Variants in BABAM2 observed in about 807,000 individuals in gnomAD.
BABAM2 encodes BRISC and BRCA1 A complex member 2.
BABAM2 carries 31 observed loss-of-function variants against 54.7 expected under a neutral mutation model. The observed-to-expected ratio is 0.57, with a 90% CI of 0.43 to 0.77. The LOEUF (loss-of-function observed/expected upper bound fraction) is 0.77. Among genes scored for constraint, BABAM2 ranks in the 30% least tolerant of loss-of-function variants. BABAM2 has a pLI of 0.00. For synonymous variants in BABAM2, 167 were observed against 162.9 expected, an observed-to-expected ratio of 1.03 and a Z score of -0.19; for missense variants, 364 against 455.8, an observed-to-expected ratio of 0.80 and a Z score of 1.83.
chr2:28,059,329 T>C (rs1489994754), intron 6 of BABAM2, among the ~76,000 whole-genome samples: 2 of 152,246 alleles, frequency 1.3e-5, no homozygotes, highest in Non-Finnish European at 2.9e-5. Flanking sequence ...TTCTTCCTTG[T>C]ATCTGTTGCA....
At chr2:28,180,619 CTATA>C (rs1203768700) in intron 7 of BABAM2, among the ~76,000 whole-genome samples, 1 of 151,914 alleles carries the variant, frequency 6.6e-6, no homozygotes, top group African/African-American at 2.4e-5. Context: ...GCACATGGGA[CTATA>C]TTAAATAAAA....
chr2:28,001,622 C>G (rs572964195), intron 4 of BABAM2, among the ~76,000 whole-genome samples: 1 of 152,272 alleles, frequency 6.6e-6, no homozygotes, highest in East Asian at 1.9e-4. Flanking sequence ...TTTGGGCTCA[C>G]AGTTCTGCAG....
intron 10 of BABAM2, among the ~76,000 whole-genome samples, chr2:28,253,418 T>G (rs1004757053): frequency 2.7e-5 from 4 of 147,894 alleles, no homozygotes; most frequent in Admixed American, 2.7e-4. Flanking sequence ...AAAAAAAAAG[T>G]ATGGAGTGTA....
chr2:28,222,497 A>G (rs1014107607), intron 7 of BABAM2, among the ~76,000 whole-genome samples: 17 of 152,326 alleles, frequency 1.1e-4, no homozygotes, highest in Non-Finnish European at 1.9e-4. Context: ...TGATACCTTC[A>G]CATGCTGCAG....
chr2:28,190,093 C>T (rs1676739660), intron 7 of BABAM2, among the ~76,000 whole-genome samples: 2 of 152,088 alleles, frequency 1.3e-5, no homozygotes, highest in Admixed American at 6.5e-5. Context: ...TAGCCATAAC[C>T]AAAAAGTTGA....
intron 7 of BABAM2, among the ~76,000 whole-genome samples, chr2:28,170,966 T>A (rs939547748): frequency 9.9e-5 from 15 of 152,154 alleles, no homozygotes; most frequent in African/African-American, 3.4e-4. Context: ...CCAACCCGAG[T>A]CCCCTCGTCT....
At chr2:27,977,826 G>A (rs1671705716) in intron 3 of BABAM2, among the ~76,000 whole-genome samples, 1 of 152,138 alleles carries the variant, frequency 6.6e-6, no homozygotes, top group Non-Finnish European at 1.5e-5. Context: ...TGTCTAAGAG[G>A]TGACTCCTAG....
intron 7 of BABAM2, among the ~76,000 whole-genome samples, chr2:28,176,598 C>G (rs531038694): frequency 1.1e-3 from 40 of 37,004 alleles, no homozygotes; most frequent in African/African-American, 3.5e-3. Flanking sequence ...AAAAAAAAAC[C>G]TCACTGAGAT....
At chr2:28,308,486 C>A in intron 11 of BABAM2, 1 of 528,824 alleles carries the variant, frequency 1.9e-6, no homozygotes, top group Non-Finnish European at 3.7e-6. Flanking sequence ...AGCACCAGAT[C>A]AAACAGGCTG....
In BABAM2 at chr2:27,922,447, A is replaced by G. The variant is rs182597290; in HGVS notation, c.129-7385A>G. 3.9e-5 allele frequency among the ~76,000 whole-genome samples: 6 copies of G among 152,350 alleles called. No individual in the cohort carries two copies. In the East Asian group the frequency reaches 7.7e-4, roughly 20 times the overall value. ...TTACGCTCAGCATTTTATTGCGTCA[A>G]TGATTAACTGCCATTTCTGTAATAA... is the stretch of plus-strand genomic sequence containing the variant. On this transcript the variant is annotated intron_variant, in intron 2 of 11. Coordinates refer to ENST00000379624, the MANE Select transcript of BABAM2 (RefSeq NM_199191.3).
At chr2:28,129,411 GC>G (rs1450023863) in intron 7 of BABAM2, 31 bp downstream of exon 7, 1 of 1,525,612 alleles carries the variant, frequency 6.6e-7, no homozygotes, top group Non-Finnish European at 9.1e-7. Flanking sequence ...GTAGCCTGGT[GC>G]TACTTCTTGC....
chr2:28,160,853 G>A (rs1427062375), intron 7 of BABAM2, among the ~76,000 whole-genome samples: 1 of 151,816 alleles, frequency 6.6e-6, no homozygotes, highest in Non-Finnish European at 1.5e-5. Flanking sequence ...CTGGGAGAGT[G>A]TGGAAAGTAC....
intron 10 of BABAM2, among the ~76,000 whole-genome samples, chr2:28,274,135 T>C (rs1367696734): frequency 6.6e-6 from 1 of 152,142 alleles, no homozygotes; most frequent in Non-Finnish European, 1.5e-5. Flanking sequence ...TCTGGCGGCC[T>C]TCCCCAGTAG....
At chr2:27,927,771 C>A (rs529590759) in intron 2 of BABAM2, among the ~76,000 whole-genome samples, 2 of 151,418 alleles carry the variant, frequency 1.3e-5, no homozygotes, top group African/African-American at 2.4e-5. Context: ...TTTTTATTGA[C>A]CCCTGAAGAT....
intron 10 of BABAM2, among the ~76,000 whole-genome samples, chr2:28,266,841 G>C (rs1228193568): frequency 1.3e-5 from 2 of 152,170 alleles, no homozygotes; most frequent in Non-Finnish European, 2.9e-5. Flanking sequence ...GATAATTGTG[G>C]ATTCACATGT....
chr2:28,144,943 C>A (rs572632277), intron 7 of BABAM2, among the ~76,000 whole-genome samples: 1 of 152,336 alleles, frequency 6.6e-6, no homozygotes, highest in African/African-American at 2.4e-5. Context: ...GGCTCCGGAC[C>A]ATGGAGGTCA....
chr2:28,095,544 A>G (rs952702823), intron 6 of BABAM2, among the ~76,000 whole-genome samples: 3 of 152,198 alleles, frequency 2.0e-5, no homozygotes, highest in Non-Finnish European at 4.4e-5. Flanking sequence ...ATTATATTCC[A>G]TCTCACACCT....
Position 28,201,712 on chromosome 2 carries a change from C to G in BABAM2, c.681-35490C>G, listed in dbSNP as rs552652971. Among the ~76,000 whole-genome samples the G allele has an allele frequency of 2.6e-5, 4 of 152,314 alleles. No homozygotes were observed. The South Asian group carries it at 6.2e-4, about 24-fold the overall frequency. The stretch of plus-strand genomic sequence containing the variant: ...GGCTCTATCAGGAGTCTCATCTCCG[C>G]TTCGTAGCCTCAACTAATCCTCCAC... On this transcript the variant is annotated intron_variant, in intron 7 of 11. Coordinates refer to ENST00000379624, the MANE Select transcript of BABAM2 (RefSeq NM_199191.3).
chr2:28,166,853 C>T (rs1249595409), intron 7 of BABAM2, among the ~76,000 whole-genome samples: 1 of 152,158 alleles, frequency 6.6e-6, no homozygotes, highest in Non-Finnish European at 1.5e-5. Flanking sequence ...GCTTCCATCT[C>T]CCCTTTCAGT....
Sources: gnomAD v4.1 joint callset for allele counts (sites outside exome capture counted in the v4.1 genomes callset) on GRCh38, gnomAD v4.1.1 for gene constraint, MANE v1.5 for transcripts, NCBI Gene and HGNC (gene_info 2026-07-23, HGNC 2026-07-21) for gene names.